The following UBTD1 variants were observed in gnomAD, a reference collection of about 807,000 sequenced individuals.
UBTD1 encodes the protein ubiquitin domain-containing protein 1.
In UBTD1, 19 loss-of-function variants were observed where a neutral mutation model predicts 21.7. That is an observed-to-expected ratio of 0.87 (90% CI 0.61 to 1.28). The LOEUF is 1.28. Among genes scored for constraint, UBTD1 ranks in the 50% most tolerant of loss-of-function variants. The pLI is 0.00. For synonymous variants in UBTD1, 116 were observed against 135.1 expected (o/e 0.86, Z 0.98); for missense variants, 282 against 315.1 (o/e 0.89, Z 0.80).
rs1482639079 is a variant in UBTD1 at position 97,558,981 on chromosome 10, G to A, written c.71-8933G>A. ...GTTATTCAGCAGAGTGCCCAGTAAA[G>A]GTCCACCACAATACCACCACGCATC... On this transcript the variant is annotated intron_variant, in intron 1 of 2. Transcript: ENST00000370664. 2.0e-5 allele frequency among the ~76,000 whole-genome samples: 3 copies of A among 152,306 alleles called. No homozygotes were observed. The East Asian group carries it at 5.8e-4, about 29-fold the overall frequency.
chr10:97,553,542 C>G (rs2040650395), intron 1 of UBTD1, among the ~76,000 whole-genome samples: 1 of 152,206 alleles, frequency 6.6e-6, no homozygotes, highest in African/African-American at 2.4e-5. Flanking sequence ...AGATTGTAAG[C>G]ACCCGTGTAT....
At chr10:97,540,855 A>G (rs2040583883) in intron 1 of UBTD1, among the ~76,000 whole-genome samples, 1 of 152,204 alleles carries the variant, frequency 6.6e-6, no homozygotes, top group South Asian at 2.1e-4. Flanking sequence ...CAATTTCTGG[A>G]GACACCATGT....
At chr10:97,525,744 G>A (rs148459935) in intron 1 of UBTD1, among the ~76,000 whole-genome samples, 1 of 152,320 alleles carries the variant, frequency 6.6e-6, no homozygotes, top group East Asian at 1.9e-4. Flanking sequence ...AGATGGCCTT[G>A]TGCATTGTCT....
intron 1 of UBTD1, among the ~76,000 whole-genome samples, chr10:97,564,569 AT>A (rs912541262): frequency 4.7e-5 from 7 of 149,872 alleles, no homozygotes; most frequent in Middle Eastern, 3.5e-3. Flanking sequence ...CCTTATTATT[AT>A]TTTTTTTTTG....
intron 1 of UBTD1, among the ~76,000 whole-genome samples, chr10:97,562,616 C>CG: frequency 6.6e-6 from 1 of 151,598 alleles, no homozygotes; most frequent in African/African-American, 2.4e-5. Flanking sequence ...TTCACAAGGG[C>CG]GGGGGAATAT....
chr10:97,526,782 G>A (rs1478671768), intron 1 of UBTD1, among the ~76,000 whole-genome samples: 1 of 150,456 alleles, frequency 6.6e-6, no homozygotes, highest in East Asian at 1.9e-4. Context: ...TTGAACCTGG[G>A]AGGCAGAGGT....
At chr10:97,521,701 C>G (rs1409234531) in intron 1 of UBTD1, among the ~76,000 whole-genome samples, 1 of 152,194 alleles carries the variant, frequency 6.6e-6, no homozygotes, top group Non-Finnish European at 1.5e-5. Context: ...TCCCTGAAGC[C>G]CCAGCTACGG....
rs77006156 is a variant in UBTD1, at chr10:97,507,375, A to T, written c.70+8102A>T. ...ATAGAGGCTGGGCATGGTGGCCTAC[A>T]CCTATAATCCCAGCACTTTGGGAGA... On this transcript the variant is annotated intron_variant, in intron 1 of 2. Transcript: ENST00000370664. Among the ~76,000 whole-genome samples, 46 of 151,538 alleles carry T rather than the reference A, an allele frequency of 3.0e-4. 1 individual carries two copies. The East Asian group carries it at 5.1e-3, about 17-fold the overall frequency.
At chr10:97,531,391 G>A (rs993887311) in intron 1 of UBTD1, among the ~76,000 whole-genome samples, 13 of 151,460 alleles carry the variant, frequency 8.6e-5, no homozygotes, top group African/African-American at 1.7e-4. Context: ...TTGTATTTTC[G>A]TAGAGGTGAG....
Position 97,570,660 on chromosome 10 carries a change from C to A in UBTD1, c.*137C>A. The A allele has an allele frequency of 9.1e-7, 1 of 1,100,704 alleles. No individual in the cohort carries two copies. Among genetic ancestry groups the A allele is most frequent in the Non-Finnish European group, 1.3e-6 (1 of 774,576 alleles). 68.2% of individuals were successfully genotyped at this position (1,100,704 alleles called of 1,614,324 possible). On this transcript the variant is annotated 3_prime_UTR_variant, in exon 3 of 3. Coordinates refer to ENST00000370664, the MANE Select transcript of UBTD1 (RefSeq NM_024954.5). This position sits in a 1 kb window ranked among gnomAD's most constrained non-coding sequence, Gnocchi z 6.6. Reference sequence around the variant, plus strand: ...GTGGGTGAGCCGTGAAGGGACCCTGCCTTTCAGGGCACTACGCGCCACCAG... The same window carrying A: ...GTGGGTGAGCCGTGAAGGGACCCTGACTTTCAGGGCACTACGCGCCACCAG...
chr10:97,557,020 C>CA (rs746043540), intron 1 of UBTD1, among the ~76,000 whole-genome samples: 1 of 152,108 alleles, frequency 6.6e-6, no homozygotes, highest in Non-Finnish European at 1.5e-5. Flanking sequence ...TTTTAGAACC[C>CA]AAAAATTGTC....
chr10:97,557,552 A>AT (rs2040670564), intron 1 of UBTD1, among the ~76,000 whole-genome samples: 2 of 151,088 alleles, frequency 1.3e-5, no homozygotes, highest in African/African-American at 2.4e-5. Context: ...AGATATACTT[A>AT]TTTTTTTTTA....
rs984193257 is a variant in UBTD1, at chr10:97,499,112, C to T, written c.-92C>T. On this transcript the variant is annotated 5_prime_UTR_variant, in exon 1 of 3. Coordinates refer to ENST00000370664, the MANE Select transcript of UBTD1 (RefSeq NM_024954.5). Reference sequence around the variant, plus strand: ...AGATCGGGGAGCGCCCGATGCCGGGCGGCCGGAGCCATTGACCCGGGACGC... The same window carrying T: ...AGATCGGGGAGCGCCCGATGCCGGGTGGCCGGAGCCATTGACCCGGGACGC... 7.3e-6 allele frequency: 10 copies of T among 1,374,740 alleles called. No homozygotes were observed. The highest frequency in any genetic ancestry group is 9.7e-6 in the Non-Finnish European group (10 of 1,033,236). 85.2% of individuals were successfully genotyped at this position (1,374,740 alleles called of 1,614,324 possible).
chr10:97,526,563 A>C lies in UBTD1; in HGVS notation c.70+27290A>C, dbSNP rs572454125. Among the ~76,000 whole-genome samples, 7 of 152,272 alleles carry C rather than the reference A, an allele frequency of 4.6e-5. No homozygotes were observed. The East Asian group carries it at 1.4e-3, about 29-fold the overall frequency. On this transcript the variant is annotated intron_variant, in intron 1 of 2. Transcript: ENST00000370664. The stretch of plus-strand genomic sequence containing the variant: ...TAACTGATCTTCCTGCCTTCATTCA[A>C]GACTCCTTAAACCCACTCTCCACAT...
intron 1 of UBTD1, among the ~76,000 whole-genome samples, chr10:97,554,978 A>G (rs1216213979): frequency 6.6e-6 from 1 of 152,222 alleles, no homozygotes; most frequent in Non-Finnish European, 1.5e-5. Flanking sequence ...GGAGTGGTCC[A>G]TGAGCTGGGC....
At position 97,565,321 on chromosome 10, in the gene UBTD1, A is replaced by G. The variant is rs118046035; in HGVS notation, c.71-2593A>G. ...TTTCTAGGAACATCTTTGTTCTTCTATATAAAATTTAGAATCAGTTTGCCA... is the reference window on the plus strand; with the variant it reads ...TTTCTAGGAACATCTTTGTTCTTCTGTATAAAATTTAGAATCAGTTTGCCA... On this transcript the variant is annotated intron_variant, in intron 1 of 2. Coordinates refer to ENST00000370664, the MANE Select transcript of UBTD1 (RefSeq NM_024954.5). 2.4e-3 allele frequency among the ~76,000 whole-genome samples: 359 copies of G among 152,344 alleles called. 1 individual carries two copies. The highest frequency in any genetic ancestry group is 4.5e-3 in the Non-Finnish European group (305 of 68,026).
chr10:97,512,951 C>T (rs1446250228), intron 1 of UBTD1, among the ~76,000 whole-genome samples: 2 of 152,234 alleles, frequency 1.3e-5, no homozygotes, highest in Non-Finnish European at 2.9e-5. Context: ...TTGCAGGCTG[C>T]ACCTGGGGCC....
chr10:97,535,972 A>ATTATTATTATTATTGTTG (rs1554865897), intron 1 of UBTD1, among the ~76,000 whole-genome samples: 2 of 134,752 alleles, frequency 1.5e-5, no homozygotes, highest in Non-Finnish European at 3.2e-5. Flanking sequence ...GAGAGAAATT[A>ATTATTATTATTATTGTTG]TTATTATTAT....
intron 1 of UBTD1, among the ~76,000 whole-genome samples, chr10:97,534,569 A>ACACG (rs1554865762): frequency 1.6e-4 from 18 of 109,518 alleles, no homozygotes; most frequent in African/African-American, 4.1e-4. Context: ...AGGAACACAC[A>ACACG]CGCGCGCGCG....
Sources: allele counts gnomAD v4.1 joint callset (sites outside exome capture counted in the v4.1 genomes callset), GRCh38; gene constraint gnomAD v4.1.1; non-coding constraint Gnocchi (gnomAD v3.1); transcripts MANE v1.5; gene names NCBI Gene and HGNC (gene_info 2026-07-23, HGNC 2026-07-21).